Variants in CCBE1 observed in about 807,000 individuals in gnomAD.
CCBE1 encodes the protein collagen and calcium-binding EGF domain-containing protein 1.
A neutral mutation model predicts 50.0 loss-of-function variants in CCBE1; 37 were observed. The observed-to-expected ratio is 0.74, with a 90% CI of 0.57 to 0.97. The LOEUF (loss-of-function observed/expected upper bound fraction) is 0.97. CCBE1 is among the 50% of genes least tolerant of loss of function. The pLI, the probability that CCBE1 is intolerant of heterozygous loss-of-function variation, is 0.00. For missense variants in CCBE1, 538 were observed against 523.8 expected, an observed-to-expected ratio of 1.03 and a Z score of -0.26; for synonymous variants, 234 against 203.7, an observed-to-expected ratio of 1.15 and a Z score of -1.27.
At chr18:59,611,063 G>C (rs2053562801) in intron 2 of CCBE1, among the ~76,000 whole-genome samples, 1 of 152,236 alleles carries the variant, frequency 6.6e-6, no homozygotes, top group Admixed American at 6.5e-5. Context: ...TAACCTGTCT[G>C]CAACAGCATG....
At chr18:59,461,445 CCTCTACCCTTCT>C (rs139450823) in intron 5 of CCBE1, among the ~76,000 whole-genome samples, 3,534 of 152,098 alleles carry the variant, frequency 0.023, 136 homozygotes, top group African/African-American at 0.081. Flanking sequence ...GAATTGCTTC[CCTCTACCCTTCT>C]CTCTACCCTT....
At chr18:59,618,462 T>A (rs1599068979) in intron 2 of CCBE1, among the ~76,000 whole-genome samples, 1 of 147,896 alleles carries the variant, frequency 6.8e-6, no homozygotes, top group Non-Finnish European at 1.5e-5. Flanking sequence ...TGAGACAGAG[T>A]CTAGCTCTAT....
At chr18:59,691,695 C>T (rs570914499) in intron 2 of CCBE1, among the ~76,000 whole-genome samples, 9 of 152,184 alleles carry the variant, frequency 5.9e-5, no homozygotes, top group South Asian at 2.1e-4. Flanking sequence ...TGAGCCACCG[C>T]GCCCAGCTAG....
At chr18:59,585,401 A>C (rs2053164527) in intron 2 of CCBE1, among the ~76,000 whole-genome samples, 1 of 152,130 alleles carries the variant, frequency 6.6e-6, no homozygotes, top group Non-Finnish European at 1.5e-5. Context: ...CTCCACCAAG[A>C]CTGCAGGCTC....
intron 2 of CCBE1, among the ~76,000 whole-genome samples, chr18:59,561,344 CA>C (rs1210475073): frequency 1.3e-5 from 2 of 152,192 alleles, no homozygotes; most frequent in African/African-American, 4.8e-5. Context: ...GGCCTGTGTG[CA>C]AAACCTGTAT....
At chr18:59,625,056 C>G (rs1228323957) in intron 2 of CCBE1, among the ~76,000 whole-genome samples, 1 of 152,166 alleles carries the variant, frequency 6.6e-6, no homozygotes, top group East Asian at 1.9e-4. Context: ...AATATGCTAC[C>G]AAGTTTGACC....
intron 2 of CCBE1, among the ~76,000 whole-genome samples, chr18:59,650,883 CAA>C (rs1323542578): frequency 6.6e-6 from 1 of 151,638 alleles, no homozygotes. Flanking sequence ...GATAAGGAAA[CAA>C]AGATTCCTTT....
chr18:59,650,740 A>ACT (rs1022665881), intron 2 of CCBE1, among the ~76,000 whole-genome samples: 3 of 149,858 alleles, frequency 2.0e-5, no homozygotes, highest in African/African-American at 7.4e-5. Context: ...GAATTTCTCC[A>ACT]CTCTCACTGC....
At chr18:59,615,107 A>G (rs2053619960) in intron 2 of CCBE1, among the ~76,000 whole-genome samples, 2 of 152,188 alleles carry the variant, frequency 1.3e-5, no homozygotes, top group Non-Finnish European at 2.9e-5. Context: ...TGGAGACCAG[A>G]ACTTCATCAA....
At chr18:59,694,946 T>C (rs2054784734) in intron 2 of CCBE1, among the ~76,000 whole-genome samples, 1 of 152,182 alleles carries the variant, frequency 6.6e-6, no homozygotes, top group African/African-American at 2.4e-5. Context: ...CTCATAGCAA[T>C]TTGAGTAGCT....
chr18:59,442,386 A>G (rs920258428), intron 7 of CCBE1, among the ~76,000 whole-genome samples: 1 of 151,874 alleles, frequency 6.6e-6, no homozygotes, highest in Non-Finnish European at 1.5e-5. Flanking sequence ...CTGTACATGT[A>G]TGTGTTTTCT....
intron 2 of CCBE1, among the ~76,000 whole-genome samples, chr18:59,683,574 T>A (rs1361403919): frequency 3.3e-5 from 5 of 152,132 alleles, no homozygotes; most frequent in African/African-American, 1.2e-4. Flanking sequence ...GGCGCACGCC[T>A]GTAATCCCAG....
At chr18:59,462,541 A>G (rs1911537858) in intron 5 of CCBE1, 1 of 152,004 alleles carries the variant, frequency 6.6e-6, no homozygotes, top group African/African-American at 2.4e-5. Context: ...ATGTACCATT[A>G]TGCTCAGCTA....
rs144422616 is a variant in CCBE1 at position 59,486,210 on chromosome 18, C to T, written c.213-5972G>A. 2.6e-4 allele frequency among the ~76,000 whole-genome samples: 40 copies of T among 152,302 alleles called. No homozygotes were observed. In the East Asian group the frequency reaches 7.5e-3, roughly 29 times the overall value. ...CAGATAATATAAGAAAGGTGCCTAG[C>T]ACAGGGCCTGGCTTGCAGTCAGAAT... On this transcript the variant is annotated intron_variant, in intron 2 of 10. Transcript: ENST00000439986.
chr18:59,482,662 T>TA (rs1018553688), intron 2 of CCBE1, among the ~76,000 whole-genome samples: 1 of 152,170 alleles, frequency 6.6e-6, no homozygotes, highest in Non-Finnish European at 1.5e-5. Context: ...TATATGGTTA[T>TA]AAAGTCTCTA....
rs142088011 is a variant in CCBE1 at position 59,583,332 on chromosome 18, G to T, written c.213-103094C>A. Among the ~76,000 whole-genome samples, 227 of 152,242 alleles carry T rather than the reference G, an allele frequency of 1.5e-3. 2 individuals are homozygous for T. The highest frequency in any genetic ancestry group is 5.2e-3 in the African/African-American group (214 of 41,528). ...ACTCTACTGAAGATACAAAATTAGA[G>T]ATTCTCATGGATGAAAAGGAACTTC... is the stretch of plus-strand genomic sequence containing the variant. On this transcript the variant is annotated intron_variant, in intron 2 of 10. Transcript: ENST00000439986.
At chr18:59,516,865 G>C (rs1461295860) in intron 2 of CCBE1, among the ~76,000 whole-genome samples, 3 of 152,312 alleles carry the variant, frequency 2.0e-5, no homozygotes, top group East Asian at 1.9e-4. Context: ...AGGATAGATA[G>C]AGCCTTTGTC....
intron 6 of CCBE1, among the ~76,000 whole-genome samples, chr18:59,448,802 A>C (rs986285207): frequency 1.1e-4 from 16 of 152,210 alleles, no homozygotes; most frequent in African/African-American, 3.9e-4. Flanking sequence ...GTAAGAATCA[A>C]AATCTTGTGC....
At position 59,655,874 on chromosome 18, in the gene CCBE1, G is replaced by A. The variant is rs182326838; in HGVS notation, c.212+40755C>T. 6.6e-4 allele frequency among the ~76,000 whole-genome samples: 100 copies of A among 152,332 alleles called. 1 individual carries two copies. In the East Asian group the frequency reaches 0.018, roughly 28 times the overall value. ...GCAGCCCCATCTGAATGCACTAGAA[G>A]TTAACATACCACCACTGGGAAAGCA... On this transcript the variant is annotated intron_variant, in intron 2 of 10. Transcript: ENST00000439986.
Sources: gnomAD v4.1 joint callset for allele counts (sites outside exome capture counted in the v4.1 genomes callset) on GRCh38, gnomAD v4.1.1 for gene constraint, MANE v1.5 for transcripts, NCBI Gene and HGNC (gene_info 2026-07-23, HGNC 2026-07-21) for gene names.